Variants in TENT5D observed in about 807,000 individuals in gnomAD.
The protein encoded by TENT5D is cancer/testis antigen 112.
For synonymous variants in TENT5D, 103 were observed against 100.6 expected, an observed-to-expected ratio of 1.02 and a Z score of -0.15; for missense variants, 191 against 287.0, an observed-to-expected ratio of 0.67 and a Z score of 2.42.
chrX:80,377,944 G>A (rs1370155696), intron 3 of TENT5D, among the ~76,000 whole-genome samples: 1 of 111,773 alleles, frequency 8.9e-6, no homozygotes, highest in Non-Finnish European at 1.9e-5. Context: ...GGTGTGAGAT[G>A]GTATCTCATT....
upstream of TENT5D, among the ~76,000 whole-genome samples, chrX:80,417,638 A>G (rs1297111673): frequency 9.0e-6 from 1 of 111,428 alleles, no homozygotes; most frequent in African/African-American, 3.3e-5. Context: ...ACAAGCCTCC[A>G]GTGCCTTTTG....
chrX:80,365,371 G>A (rs1054182421), intron 3 of TENT5D, among the ~76,000 whole-genome samples: 1 of 111,507 alleles, frequency 9.0e-6, no homozygotes, highest in Non-Finnish European at 1.9e-5. Flanking sequence ...AAAGTCACCT[G>A]ATACAGAGTA....
At chrX:80,404,288 G>C (rs1931440892) in intron 3 of TENT5D, among the ~76,000 whole-genome samples, 1 of 111,767 alleles carries the variant, frequency 8.9e-6, no homozygotes, top group Non-Finnish European at 1.9e-5. Context: ...CTTAATTTCT[G>C]AAACAATGTG....
At chrX:80,353,630 T>C (rs1347004802) in intron 3 of TENT5D, among the ~76,000 whole-genome samples, 2 of 112,591 alleles carry the variant, frequency 1.8e-5, no homozygotes, top group African/African-American at 3.2e-5. Flanking sequence ...TATGGCTGCA[T>C]AGTATTCCAT....
chrX:80,342,236 C>G (rs1335553104), intron 2 of TENT5D, among the ~76,000 whole-genome samples: 1 of 111,654 alleles, frequency 9.0e-6, no homozygotes, highest in Non-Finnish European at 1.9e-5. Flanking sequence ...TGATACTTAT[C>G]AGACTTTTCA....
exon 3 of TENT5D, chrX:80,442,528 A>G (rs1932304748): frequency 3.4e-6 from 4 of 1,176,681 alleles, no homozygotes; most frequent in Admixed American, 2.3e-5. Context: ...CTAGTGATCT[A>G]CTGACTTCAC....
At chrX:80,410,743 G>A (rs781131599) in intron 3 of TENT5D, among the ~76,000 whole-genome samples, 116 of 108,627 alleles carry the variant, frequency 1.1e-3, no homozygotes, top group African/African-American at 3.8e-3. Context: ...CCCATTACTG[G>A]GTATATACCC....
At chrX:80,385,348 C>T (rs1930971933) in intron 3 of TENT5D, among the ~76,000 whole-genome samples, 1 of 107,975 alleles carries the variant, frequency 9.3e-6, no homozygotes, top group Non-Finnish European at 2.0e-5. Context: ...ATAAATGGTG[C>T]AGGGAAAACT....
At chrX:80,437,983 G>A (rs1332171114) in intron 1 of TENT5D, among the ~76,000 whole-genome samples, 1 of 111,457 alleles carries the variant, frequency 9.0e-6, no homozygotes, top group Non-Finnish European at 1.9e-5. Context: ...TGGCCTTAAT[G>A]TCCAGCTCAG....
At chrX:80,408,902 G>A (rs1478488393) in intron 3 of TENT5D, among the ~76,000 whole-genome samples, 1 of 110,116 alleles carries the variant, frequency 9.1e-6, no homozygotes, top group Non-Finnish European at 1.9e-5. Context: ...TATCCACCAT[G>A]ATCAAGTGGG....
exon 1 of TENT5D, chrX:80,420,532 A>G (rs906055665): frequency 9.0e-6 from 1 of 111,481 alleles, no homozygotes; most frequent in African/African-American, 3.3e-5. Context: ...TAAGACTGTT[A>G]AATTCAGCAA....
At chrX:80,408,848 A>C (rs1399456585) in intron 3 of TENT5D, among the ~76,000 whole-genome samples, 5 of 110,595 alleles carry the variant, frequency 4.5e-5, no homozygotes, top group Non-Finnish European at 9.5e-5. Flanking sequence ...AAAAATCCTC[A>C]ATAAAATACT....
chrX:80,374,757 T>G (rs898630894), intron 3 of TENT5D, among the ~76,000 whole-genome samples: 1 of 111,453 alleles, frequency 9.0e-6, no homozygotes, highest in Admixed American at 9.6e-5. Flanking sequence ...CATATAGATA[T>G]AGAGGTTGAG....
intron 1 of TENT5D, among the ~76,000 whole-genome samples, chrX:80,432,146 G>T (rs1932100930): frequency 9.0e-6 from 1 of 110,706 alleles, no homozygotes; most frequent in South Asian, 3.9e-4. Context: ...ACAAAGCAGG[G>T]ATAGGAAACA....
At chrX:80,376,181 T>A (rs1930722901) in intron 3 of TENT5D, among the ~76,000 whole-genome samples, 1 of 111,233 alleles carries the variant, frequency 9.0e-6, no homozygotes, top group Non-Finnish European at 1.9e-5. Flanking sequence ...TTGATTTTAA[T>A]TTTCCTCTGT....
chrX:80,392,946 AC>A (rs1449524941), intron 3 of TENT5D, among the ~76,000 whole-genome samples: 1 of 111,633 alleles, frequency 9.0e-6, no homozygotes, highest in African/African-American at 3.3e-5. Context: ...GCTTTCTAAA[AC>A]CCAATTTACA....
chrX:80,379,090 T>C (rs1930797201), intron 3 of TENT5D, among the ~76,000 whole-genome samples: 1 of 103,304 alleles, frequency 9.7e-6, no homozygotes, highest in African/African-American at 3.6e-5. Context: ...CTGTTGAATT[T>C]TGTCGAAGGC....
intron 2 of TENT5D, among the ~76,000 whole-genome samples, chrX:80,341,547 A>G (rs912122258): frequency 5.4e-5 from 6 of 111,418 alleles, no homozygotes; most frequent in Admixed American, 1.9e-4. Flanking sequence ...AGATCAGTGT[A>G]TAAGGCAAAA....
upstream of TENT5D, among the ~76,000 whole-genome samples, chrX:80,415,478 A>G (rs762690950): frequency 2.7e-5 from 3 of 111,627 alleles, no homozygotes; most frequent in African/African-American, 6.5e-5. Context: ...TGTTCCTTCA[A>G]TACCTAGTTT....
Sources: allele counts gnomAD v4.1 joint callset (sites outside exome capture counted in the v4.1 genomes callset), GRCh38; gene constraint gnomAD v4.1.1; transcripts MANE v1.5; gene names NCBI Gene and HGNC (gene_info 2026-07-23, HGNC 2026-07-21).